DCBLD2: variants seen among roughly 807,000 people sequenced by gnomAD.
DCBLD2 encodes the protein discoidin, CUB and LCCL domain-containing protein 2.
A neutral mutation model predicts 86.8 loss-of-function variants in DCBLD2; 54 were observed. The ratio of observed to expected loss-of-function variants is 0.62; its 90% CI spans 0.50 to 0.78. DCBLD2 has a LOEUF of 0.78. Among genes scored for constraint, DCBLD2 ranks in the 30% least tolerant of loss-of-function variants. DCBLD2 has a pLI of 0.00. For synonymous variants in DCBLD2, 354 were observed against 341.3 expected, an observed-to-expected ratio of 1.04 and a Z score of -0.41; for missense variants, 908 against 954.2, an observed-to-expected ratio of 0.95 and a Z score of 0.64.
At chr3:98,846,600 A>G (rs1242726783) in intron 3 of DCBLD2, among the ~76,000 whole-genome samples, 1 of 152,226 alleles carries the variant, frequency 6.6e-6, no homozygotes, top group African/African-American at 2.4e-5. Flanking sequence ...AGATTTTAGG[A>G]GCTGTTAAAT....
rs1486307361 is a variant in DCBLD2 at position 98,799,057 on chromosome 3, C to T, written c.*315G>A. ...CTCGAGTTCATTAATGTACCTGCAG[C>T]ATTGGTAATAAATACTCTGTGATTT... On this transcript the variant is annotated 3_prime_UTR_variant, in exon 16 of 16. Transcript: ENST00000326840. 1 of 228,104 alleles carries T rather than the reference C, an allele frequency of 4.4e-6. No homozygotes were observed. Among genetic ancestry groups the T allele is most frequent in the African/African-American group, 2.3e-5 (1 of 43,366 alleles). The allele number at this position is 228,104 out of a possible 1,614,324, so 14.1% of individuals were successfully genotyped here.
chr3:98,849,702 A>G, intron 2 of DCBLD2, 104 bp from the exon 3 acceptor site: 2 of 1,276,820 alleles, frequency 1.6e-6, no homozygotes, highest in Non-Finnish European at 2.2e-6. Flanking sequence ...GCTGGCTGTT[A>G]AATTAGTATG....
intron 1 of DCBLD2, chr3:98,895,263 A>C (rs1056052780): frequency 5.9e-5 from 9 of 152,332 alleles, no homozygotes; most frequent in African/African-American, 1.9e-4. Flanking sequence ...GGTATCTTAC[A>C]GATGATAAAG....
chr3:98,831,158 G>A (rs144065116), intron 3 of DCBLD2, among the ~76,000 whole-genome samples: 2,306 of 150,874 alleles, frequency 0.015, 25 homozygotes, highest in South Asian at 0.083. Context: ...TGCAACCTCC[G>A]CCTCCCGGGT....
At chr3:98,900,942 G>T in intron 1 of DCBLD2, 180 bp downstream of exon 1, 4 of 1,099,740 alleles carry the variant, frequency 3.6e-6, no homozygotes, top group East Asian at 5.6e-5. Flanking sequence ...GCGCCAACTT[G>T]GGGGACAGAC....
intron 1 of DCBLD2, chr3:98,890,573 G>C (rs1025779708): frequency 7.2e-5 from 11 of 152,158 alleles, no homozygotes; most frequent in African/African-American, 2.2e-4. Context: ...CAGTTTCTGA[G>C]CTGCCAAAAG....
chr3:98,872,438 T>C (rs1943295700), intron 2 of DCBLD2, among the ~76,000 whole-genome samples: 5 of 152,156 alleles, frequency 3.3e-5, no homozygotes, highest in Admixed American at 3.3e-4. Context: ...ACAAAACCTT[T>C]ATCAGATGAG....
chr3:98,800,012 G>T (rs1334381608), intron 15 of DCBLD2, among the ~76,000 whole-genome samples, 171 bp from the exon 16 acceptor site: 2 of 152,110 alleles, frequency 1.3e-5, no homozygotes, highest in Non-Finnish European at 2.9e-5. Context: ...ATACTGTCTA[G>T]TACTTCTCAT....
At chr3:98,884,148 C>T (rs942891154) in intron 1 of DCBLD2, among the ~76,000 whole-genome samples, 5 of 151,972 alleles carry the variant, frequency 3.3e-5, no homozygotes, top group Admixed American at 6.6e-5. Flanking sequence ...ATTAGTATTG[C>T]TCCTTAGTCT....
At chr3:98,809,962 G>A (rs1941908940) in intron 12 of DCBLD2, among the ~76,000 whole-genome samples, 1 of 152,162 alleles carries the variant, frequency 6.6e-6, no homozygotes, top group African/African-American at 2.4e-5. Context: ...GATTTAATCA[G>A]AGGCTTTAAA....
chr3:98,830,529 C>T (rs1942300890), intron 3 of DCBLD2, among the ~76,000 whole-genome samples: 3 of 152,072 alleles, frequency 2.0e-5, no homozygotes, highest in South Asian at 2.1e-4. Flanking sequence ...TTAGCTTTGT[C>T]GAAGATCAGG....
chr3:98,873,650 A>G (rs1296737712), intron 2 of DCBLD2, among the ~76,000 whole-genome samples: 2 of 152,120 alleles, frequency 1.3e-5, no homozygotes, highest in Non-Finnish European at 2.9e-5. Context: ...ATAGGCTTAG[A>G]TATTTTTATC....
intron 12 of DCBLD2, among the ~76,000 whole-genome samples, chr3:98,810,755 T>G (rs1941923849): frequency 6.6e-6 from 1 of 152,196 alleles, no homozygotes. Flanking sequence ...TGAGTATTTT[T>G]TAACAATTAC....
intron 4 of DCBLD2, among the ~76,000 whole-genome samples, chr3:98,823,468 C>T (rs1452354472): frequency 6.6e-6 from 1 of 152,188 alleles, no homozygotes; most frequent in Non-Finnish European, 1.5e-5. Context: ...ATCCACCCAA[C>T]ACATTTATTT....
intron 15 of DCBLD2, among the ~76,000 whole-genome samples, 170 bp downstream of exon 15, chr3:98,800,409 A>T (rs1391796230): frequency 1.3e-5 from 2 of 152,234 alleles, no homozygotes; most frequent in Non-Finnish European, 2.9e-5. Context: ...TCCAAGATAC[A>T]GAAATGACTC....
Position 98,800,609 on chromosome 3 carries a change from C to T in DCBLD2, c.1828G>A (p.Val610Ile), listed in dbSNP as rs1382232056. 1.2e-6 allele frequency: 2 copies of T among 1,613,884 alleles called. No homozygotes were observed. The change falls in exon 15 of 16, where the codon GTC becomes ATC. Residue 610 changes from valine to isoleucine, a missense_variant. Around this residue, in one of 3 missense-constraint regions of DCBLD2, gnomAD observed 606 missense variants for 678.5 expected, o/e 0.89. Transcript: ENST00000326840. ...SEVNHLSPRE[V>I]TTVLQADSAE... ...GAGTCAGCCTGCAGCACTGTGGTGA[C>T]TTCTCTTGGACTCAGGTGATTAACT...
In DCBLD2 at chr3:98,901,269, C is replaced by G. The variant is rs1576212625; in HGVS notation, c.58G>C (p.Ala20Pro). The G allele has an allele frequency of 6.5e-7, 1 of 1,530,366 alleles. No individual in the cohort carries two copies. Among genetic ancestry groups the G allele is most frequent in the Non-Finnish European group, 8.7e-7 (1 of 1,143,972 alleles). The allele number at this position is 1,530,366 out of a possible 1,614,324, so 94.8% of individuals were successfully genotyped here. A position where few individuals can be genotyped will look rare whatever the true frequency, so the allele number is the denominator to read the frequency against. Reference sequence around the variant, plus strand: ...GCCCAGGCGGGGGCGGCGGCCGCGGCCCGGACTTGGGGACACTGCGGGCAG... The same window carrying G: ...GCCCAGGCGGGGGCGGCGGCCGCGGGCCGGACTTGGGGACACTGCGGGCAG... ...RRCPQCPQVRAAAAAPAWAAL... is the reference protein window; with the variant it reads ...RRCPQCPQVRPAAAAPAWAAL... The change falls in exon 1 of 16, where the codon GCC becomes CCC. Residue 20 changes from alanine to proline, a missense_variant. By Grantham distance (27) the Ala-to-Pro change is conservative. Transcript: ENST00000326840.
intron 3 of DCBLD2, among the ~76,000 whole-genome samples, chr3:98,830,670 T>G (rs186538506): frequency 1.4e-4 from 21 of 152,362 alleles, no homozygotes; most frequent in African/African-American, 4.3e-4. Context: ...TCAGGTAATA[T>G]GACTCCTGCA....
chr3:98,838,681 G>T (rs993541900), intron 3 of DCBLD2, among the ~76,000 whole-genome samples: 3 of 152,124 alleles, frequency 2.0e-5, no homozygotes, highest in African/African-American at 4.8e-5. Flanking sequence ...GGCACTTTGG[G>T]AGGCCAAGGC....
Sources: allele counts gnomAD v4.1 joint callset (sites outside exome capture counted in the v4.1 genomes callset), GRCh38; gene constraint gnomAD v4.1.1; regional missense constraint gnomAD v4.1.1; transcripts MANE v1.5; gene names NCBI Gene and HGNC (gene_info 2026-07-23, HGNC 2026-07-21).